Variants in SAC3D1 observed in about 807,000 individuals in gnomAD.
The protein encoded by SAC3D1 is SAC3 domain containing 1, also known as SAC3 domain-containing protein 1.
Under a neutral mutation model 12.7 loss-of-function variants are expected in SAC3D1, and 10 were observed. That is an observed-to-expected ratio of 0.79 (90% CI 0.49 to 1.34). SAC3D1 has a LOEUF of 1.34. Among genes scored for constraint, SAC3D1 ranks in the 40% most tolerant of loss-of-function variants. The probability of loss-of-function intolerance (pLI) is 0.00; values close to 1 mark genes in which losing one functional copy is unlikely to be tolerated. For synonymous variants in SAC3D1, 241 were observed against 250.8 expected (o/e 0.96, Z 0.37); for missense variants, 482 against 531.1 (o/e 0.91, Z 0.91).
rs766885636 is a variant in SAC3D1, at chr11:65,041,709, G to A, written c.417G>A (p.Arg139=). 7.6e-7 allele frequency: 1 copy of A among 1,313,880 alleles called. No individual in the cohort carries two copies. Among genetic ancestry groups the A allele is most frequent in the Non-Finnish European group, 9.6e-7 (1 of 1,039,162 alleles). The allele number at this position is 1,313,880 out of a possible 1,614,324, so 81.4% of individuals were successfully genotyped here. A position where few individuals can be genotyped will look rare whatever the true frequency, so the allele number is the denominator to read the frequency against. Residue 139 remains arginine (R), a synonymous_variant, in exon 1 of 2, where the codon CGG becomes CGA. Coordinates refer to ENST00000652489, the MANE Select transcript of SAC3D1 (RefSeq NM_013299.4). ...CCACGCTGCTGACCGTAGTGGCGCGGCTCGGGCCCGACGCGGCGCGGGGAC... is the reference window on the plus strand; with the variant it reads ...CCACGCTGCTGACCGTAGTGGCGCGACTCGGGCCCGACGCGGCGCGGGGAC... ...ALATLLTVVA[R]LGPDAARGPA...
intron 1 of SAC3D1, chr11:65,042,069 G>A: frequency 3.2e-6 from 2 of 622,688 alleles, no homozygotes; most frequent in Non-Finnish European, 4.6e-6. Context: ...GAGGGGGCAA[G>A]GGTGGAAAGG....
At chr11:65,043,145 G>A (rs771366881) in intron 1 of SAC3D1, 10 of 399,232 alleles carry the variant, frequency 2.5e-5, no homozygotes, top group South Asian at 1.7e-4. Context: ...TGTCCACACT[G>A]TTCCTCTGAA....
chr11:65,041,433 G>T lies in SAC3D1; in HGVS notation c.141G>T (p.Pro47=). 6.7e-7 allele frequency: 1 copy of T among 1,503,060 alleles called. No individual in the cohort carries two copies. The highest frequency in any genetic ancestry group is 8.8e-7 in the Non-Finnish European group (1 of 1,132,814). The allele number at this position is 1,503,060 out of a possible 1,614,324, so 93.1% of individuals were successfully genotyped here. ...GCRQDPPRAD[P]QRAVKEYSRP... is the part of the protein sequence containing the mutation. Reference sequence around the variant, plus strand: ...GCCAGGACCCGCCCCGCGCGGATCCGCAGCGCGCGGTGAAGGAGTACAGCC... The same window carrying T: ...GCCAGGACCCGCCCCGCGCGGATCCTCAGCGCGCGGTGAAGGAGTACAGCC... Residue 47 remains proline, a synonymous_variant, in exon 1 of 2, where the codon CCG becomes CCT. Coordinates refer to ENST00000652489, the MANE Select transcript of SAC3D1 (RefSeq NM_013299.4).
Position 65,044,815 on chromosome 11 carries a change from T to C in SAC3D1, c.*88T>C. ...ATGGTTTCCAGGTAATAAAAGGAAC[T>C]TGTTTTGTTGGTACCAGTCACTAGA... On this transcript the variant is annotated 3_prime_UTR_variant, in exon 2 of 2. Coordinates refer to ENST00000652489, the MANE Select transcript of SAC3D1 (RefSeq NM_013299.4). This position sits in a 1 kb window ranked among gnomAD's most constrained non-coding sequence, Gnocchi z 4.0. 7.2e-6 allele frequency: 10 copies of C among 1,396,702 alleles called. No homozygotes were observed. The highest frequency in any genetic ancestry group is 9.6e-6 in the Non-Finnish European group (10 of 1,046,764). 86.5% of individuals were successfully genotyped at this position (1,396,702 alleles called of 1,614,324 possible). A position where few individuals can be genotyped will look rare whatever the true frequency, so the allele number is the denominator to read the frequency against.
Position 65,044,283 on chromosome 11 carries a change from G to A in SAC3D1, c.633G>A (p.Pro211=), listed in dbSNP as rs201643677. The change falls in exon 2 of 2, where the codon CCG becomes CCA. Residue 211 remains proline (P), a synonymous_variant. Coordinates refer to ENST00000652489, the MANE Select transcript of SAC3D1 (RefSeq NM_013299.4). The surrounding 1 kb of genome is among the most constrained non-coding windows in gnomAD (Gnocchi z 4.0). ...LQLPAALRAC[P]PLRKALAVDA... ...TGCCTGCTGCCCTGCGCGCCTGCCC[G>A]CCCCTCCGCAAGGCCTTGGCGGTAG... The A allele has an allele frequency of 1.1e-4, 176 of 1,613,240 alleles. 1 individual carries two copies. In the African/African-American group the frequency reaches 1.8e-3, roughly 17 times the overall value.
rs984764494 is a variant in SAC3D1, at chr11:65,044,803, A to G, written c.*76A>G. On this transcript the variant is annotated 3_prime_UTR_variant, in exon 2 of 2. Transcript: ENST00000652489. This position sits in a 1 kb window ranked among gnomAD's most constrained non-coding sequence, Gnocchi z 4.0. Reference sequence around the variant, plus strand: ...GTTTCTTTTTCCATGGTTTCCAGGTAATAAAAGGAACTTGTTTTGTTGGTA... The same window carrying G: ...GTTTCTTTTTCCATGGTTTCCAGGTGATAAAAGGAACTTGTTTTGTTGGTA... 115 of 1,475,964 alleles carry G rather than the reference A, an allele frequency of 7.8e-5. No individual in the cohort carries two copies. In the East Asian group the frequency reaches 2.6e-3, roughly 34 times the overall value. The allele number at this position is 1,475,964 out of a possible 1,614,324, so 91.4% of individuals were successfully genotyped here. A position where few individuals can be genotyped will look rare whatever the true frequency, so the allele number is the denominator to read the frequency against.
chr11:65,041,442 G>A lies in SAC3D1; in HGVS notation c.150G>A (p.Ala50=), dbSNP rs778798413. 3.7e-5 allele frequency: 55 copies of A among 1,501,946 alleles called. 1 individual carries two copies. The highest frequency in any genetic ancestry group is 4.3e-5 in the Non-Finnish European group (49 of 1,132,438). 93.0% of individuals were successfully genotyped at this position (1,501,946 alleles called of 1,614,324 possible). ...QDPPRADPQR[A]VKEYSRPAAG... ...CGCCCCGCGCGGATCCGCAGCGCGC[G>A]GTGAAGGAGTACAGCCGACCCGCCG... The change falls in exon 1 of 2, where the codon GCG becomes GCA. Residue 50 remains alanine, a synonymous_variant. Transcript: ENST00000652489.
In SAC3D1 at chr11:65,041,481, G is replaced by A. The variant is rs1175900361; in HGVS notation, c.189G>A (p.Arg63=). 1.4e-6 allele frequency: 2 copies of A among 1,474,086 alleles called. No individual in the cohort carries two copies. Among genetic ancestry groups the A allele is most frequent in the Non-Finnish European group, 8.9e-7 (1 of 1,119,048 alleles). The allele number at this position is 1,474,086 out of a possible 1,614,324, so 91.3% of individuals were successfully genotyped here. Reference sequence around the variant, plus strand: ...GCCGACCCGCCGCCGGCAAGCCCCGGCCCCCGCCCAGCCAGTTGCGTCCGC... The same window carrying A: ...GCCGACCCGCCGCCGGCAAGCCCCGACCCCCGCCCAGCCAGTTGCGTCCGC... ...EYSRPAAGKP[R]PPPSQLRPPS... The change falls in exon 1 of 2, where the codon CGG becomes CGA. Residue 63 remains arginine, a synonymous_variant. Coordinates refer to ENST00000652489, the MANE Select transcript of SAC3D1 (RefSeq NM_013299.4).
rs1201352296 is a variant in SAC3D1 at position 65,044,124 on chromosome 11, G to A, written c.575-101G>A. ...GGAAGTTGGGCTAGGCCTAGAGAAG[G>A]GGCGTGGTCGAGGAGAGAGGAAGGA... On this transcript the variant is annotated intron_variant, in intron 1 of 1. Coordinates refer to ENST00000652489, the MANE Select transcript of SAC3D1 (RefSeq NM_013299.4). This position sits in a 1 kb window ranked among gnomAD's most constrained non-coding sequence, Gnocchi z 4.0. 16 of 1,390,600 alleles carry A rather than the reference G, an allele frequency of 1.2e-5. No homozygotes were observed. The highest frequency in any genetic ancestry group is 1.5e-5 in the Non-Finnish European group (15 of 1,009,952). 86.1% of individuals were successfully genotyped at this position (1,390,600 alleles called of 1,614,324 possible). A position where few individuals can be genotyped will look rare whatever the true frequency, so the allele number is the denominator to read the frequency against.
rs533451579 is a variant in SAC3D1, at chr11:65,041,688, G to T, written c.396G>T (p.Thr132=). 5.1e-4 allele frequency: 690 copies of T among 1,351,750 alleles called. 8 individuals carry two copies. Among genetic ancestry groups the T allele is most frequent in the South Asian group, 3.6e-3 (197 of 54,558 alleles). The allele number at this position is 1,351,750 out of a possible 1,614,324, so 83.7% of individuals were successfully genotyped here. A position where few individuals can be genotyped will look rare whatever the true frequency, so the allele number is the denominator to read the frequency against. ...TGGTGCTGGAGGCGGCGCTGGCCAC[G>T]CTGCTGACCGTAGTGGCGCGGCTCG... ...AAVVLEAALA[T]LLTVVARLGP... The change falls in exon 1 of 2, where the codon ACG becomes ACT. Residue 132 remains threonine, a synonymous_variant. Coordinates refer to ENST00000652489, the MANE Select transcript of SAC3D1 (RefSeq NM_013299.4).
chr11:65,042,596 C>T (rs1229449725), intron 1 of SAC3D1, among the ~76,000 whole-genome samples: 5 of 152,220 alleles, frequency 3.3e-5, no homozygotes, highest in South Asian at 4.1e-4. Context: ...GGCTGGAGTG[C>T]GGTGGCATGA....
In SAC3D1 at chr11:65,044,562, G is replaced by GGA. The variant is rs761039341; in HGVS notation, c.918_919dup (p.Val307GlufsTer5). The GGA allele has an allele frequency of 1.2e-6, 2 of 1,614,192 alleles. No individual in the cohort carries two copies. Among genetic ancestry groups the GGA allele is most frequent in the Non-Finnish European group, 1.7e-6 (2 of 1,180,040 alleles). ...CCCACGGGCTGCCCTTGGACGGAGA[G>GGA]GAGAGAGTTGTGTTCCTGAGGGGTC... On this transcript the variant is annotated frameshift_variant, in exon 2 of 2. Transcript: ENST00000652489. LOFTEE classifies it low-confidence loss of function (END_TRUNC). The surrounding 1 kb of genome is among the most constrained non-coding windows in gnomAD (Gnocchi z 4.0).
chr11:65,041,192 C>G, upstream of SAC3D1: 1 of 1,151,112 alleles, frequency 8.7e-7, no homozygotes, highest in Non-Finnish European at 1.1e-6. Flanking sequence ...CAGCCCCGCC[C>G]CGACCCGCCG....
intron 1 of SAC3D1, among the ~76,000 whole-genome samples, chr11:65,042,163 T>C (rs1411087997): frequency 6.6e-6 from 1 of 151,996 alleles, no homozygotes; most frequent in East Asian, 1.9e-4. Flanking sequence ...AGTGGCGCGA[T>C]CTCGGCTCAC....
rs891551413 is a variant in SAC3D1 at position 65,044,703 on chromosome 11, G to A, written c.1053G>A (p.Thr351=). ...VVMAEEEDEG[T]DRPGSPA Reference sequence around the variant, plus strand: ...TGGCAGAGGAGGAAGATGAGGGCACGGACAGACCTGGGTCCCCAGCCTGAG... The same window carrying A: ...TGGCAGAGGAGGAAGATGAGGGCACAGACAGACCTGGGTCCCCAGCCTGAG... The change falls in exon 2 of 2, where the codon ACG becomes ACA. Residue 351 remains threonine (T), a synonymous_variant. Transcript: ENST00000652489. The surrounding 1 kb of genome is among the most constrained non-coding windows in gnomAD (Gnocchi z 4.0). The A allele has an allele frequency of 6.8e-6, 11 of 1,612,814 alleles. No individual in the cohort carries two copies. Among genetic ancestry groups the A allele is most frequent in the Admixed American group, 6.7e-5 (4 of 60,002 alleles).
At position 65,044,127 on chromosome 11, in the gene SAC3D1, C is replaced by A. The variant is rs1946664465; in HGVS notation, c.575-98C>A. On this transcript the variant is annotated intron_variant, in intron 1 of 1. Coordinates refer to ENST00000652489, the MANE Select transcript of SAC3D1 (RefSeq NM_013299.4). The surrounding 1 kb of genome is among the most constrained non-coding windows in gnomAD (Gnocchi z 4.0). Reference sequence around the variant, plus strand: ...AGTTGGGCTAGGCCTAGAGAAGGGGCGTGGTCGAGGAGAGAGGAAGGACAG... The same window carrying A: ...AGTTGGGCTAGGCCTAGAGAAGGGGAGTGGTCGAGGAGAGAGGAAGGACAG... 1 of 1,401,988 alleles carries A rather than the reference C, an allele frequency of 7.1e-7. No individual in the cohort carries two copies. The highest frequency in any genetic ancestry group is 9.8e-7 in the Non-Finnish European group (1 of 1,019,608). The allele number at this position is 1,401,988 out of a possible 1,614,324, so 86.8% of individuals were successfully genotyped here. A position where few individuals can be genotyped will look rare whatever the true frequency, so the allele number is the denominator to read the frequency against.
At chr11:65,041,031 T>C (rs2136947661), upstream of SAC3D1, 1 of 542,794 alleles carries the variant, frequency 1.8e-6, no homozygotes, top group Non-Finnish European at 3.2e-6. Context: ...TTAGCCGCCC[T>C]AGAGCGCGCG....
At position 65,041,328 on chromosome 11, in the gene SAC3D1, G is replaced by A; in HGVS notation, c.36G>A (p.Pro12=). The part of the protein sequence containing the change: ...PGCELPVGTC[P]DMCPAAERAQ... ...GCGAGCTGCCCGTGGGCACCTGCCC[G>A]GACATGTGCCCGGCCGCCGAGCGCG... The change falls in exon 1 of 2, where the codon CCG becomes CCA. Residue 12 remains proline, a synonymous_variant. Transcript: ENST00000652489. The A allele has an allele frequency of 6.6e-7, 1 of 1,510,332 alleles. No homozygotes were observed. Among genetic ancestry groups the A allele is most frequent in the East Asian group, 2.6e-5 (1 of 37,838 alleles). 93.6% of individuals were successfully genotyped at this position (1,510,332 alleles called of 1,614,324 possible). A position where few individuals can be genotyped will look rare whatever the true frequency, so the allele number is the denominator to read the frequency against.
Position 65,044,382 on chromosome 11 carries a change from C to CCCTACCT in SAC3D1, c.732_733insCCTACCT (p.Ala245ProfsTer24), listed in dbSNP as rs772571257. 1.2e-6 allele frequency: 2 copies of CCCTACCT among 1,613,600 alleles called. No homozygotes were observed. The highest frequency in any genetic ancestry group is 1.7e-6 in the Non-Finnish European group (2 of 1,180,032). ...AGACCCTGCCCTACCTGCCAAGTTGCGCTGTGCAGTGCCATGTGGGCCATG... is the reference window on the plus strand; with the variant it reads ...AGACCCTGCCCTACCTGCCAAGTTGCCCTACCTGCTGTGCAGTGCCATGTGGGCCATG... On this transcript the variant is annotated frameshift_variant, in exon 2 of 2. Coordinates refer to ENST00000652489, the MANE Select transcript of SAC3D1 (RefSeq NM_013299.4). LOFTEE classifies it low-confidence loss of function (END_TRUNC). The surrounding 1 kb of genome is among the most constrained non-coding windows in gnomAD (Gnocchi z 4.0).
Sources: allele counts gnomAD v4.1 joint callset (sites outside exome capture counted in the v4.1 genomes callset), GRCh38; gene constraint gnomAD v4.1.1; non-coding constraint Gnocchi (gnomAD v3.1); transcripts MANE v1.5; gene names NCBI Gene and HGNC (gene_info 2026-07-23, HGNC 2026-07-21).